The following SLC11A1 variants were observed in gnomAD, a reference collection of about 807,000 sequenced individuals.
The protein encoded by SLC11A1 is solute carrier family 11 member 1.
Under a neutral mutation model 63.2 loss-of-function variants are expected in SLC11A1, and 59 were observed. That is an observed-to-expected ratio of 0.93 (90% CI 0.76 to 1.16). SLC11A1 has a LOEUF of 1.16. Among genes scored for constraint, SLC11A1 ranks in the 50% most tolerant of loss-of-function variants. SLC11A1 has a pLI of 0.00. For synonymous variants in SLC11A1, 305 were observed against 307.8 expected, an observed-to-expected ratio of 0.99 and a Z score of 0.09; for missense variants, 688 against 730.7, an observed-to-expected ratio of 0.94 and a Z score of 0.67.
intron 6 of SLC11A1, 100 bp from the exon 7 acceptor site, chr2:218,387,465 G>A (rs1696164752): frequency 8.2e-7 from 1 of 1,217,892 alleles, no homozygotes; most frequent in South Asian, 1.3e-5. Context: ...TAAGCACTTG[G>A]CACTGTGCCT....
intron 11 of SLC11A1, 175 bp from the exon 12 acceptor site, chr2:218,392,806 C>A: frequency 2.0e-6 from 1 of 512,214 alleles, no homozygotes; most frequent in South Asian, 3.0e-5. Flanking sequence ...ATGGGAGCTC[C>A]CCATTTCTCC....
chr2:218,384,989 C>T lies in SLC11A1; in HGVS notation c.274-158C>T. The T allele has an allele frequency of 1.1e-6, 1 of 892,004 alleles. No homozygotes were observed. Among genetic ancestry groups the T allele is most frequent in the Non-Finnish European group, 1.7e-6 (1 of 592,784 alleles). 55.3% of individuals were successfully genotyped at this position (892,004 alleles called of 1,614,324 possible). A position where few individuals can be genotyped will look rare whatever the true frequency, so the allele number is the denominator to read the frequency against. ...CCTCCCACCTTAGCCTTTTAAAGTG[C>T]TGGGATTACAGGGTGAGCTACCAGC... On this transcript the variant is annotated intron_variant, in intron 3 of 14. Transcript: ENST00000233202. The surrounding 1 kb of genome is among the most constrained non-coding windows in gnomAD (Gnocchi z 4.0).
At position 218,395,054 on chromosome 2, in the gene SLC11A1, C is replaced by A; in HGVS notation, c.*19C>A. On this transcript the variant is annotated 3_prime_UTR_variant, in exon 15 of 15. Transcript: ENST00000233202. Reference sequence around the variant, plus strand: ...TGGCTAGGCCCACACCAGGGCCTGGCTGGGAGTGGCATGTATGACGTGACT... The same window carrying A: ...TGGCTAGGCCCACACCAGGGCCTGGATGGGAGTGGCATGTATGACGTGACT... 6.4e-7 allele frequency: 1 copy of A among 1,552,344 alleles called. No homozygotes were observed. Among genetic ancestry groups the A allele is most frequent in the Non-Finnish European group, 8.8e-7 (1 of 1,139,448 alleles).
rs182057473 is a variant in SLC11A1 at position 218,394,781 on chromosome 2, A to G, written c.1538A>G (p.Tyr513Cys). 78 of 1,612,218 alleles carry G rather than the reference A, an allele frequency of 4.8e-5. No individual in the cohort carries two copies. In the East Asian group the frequency reaches 1.7e-3, roughly 35 times the overall value. The change falls in exon 14 of 15, where the codon TAC (tyrosine) becomes TGC (cysteine). Residue 513 changes from tyrosine to cysteine, a missense_variant. Tyr to Cys is a radical substitution (Grantham distance 194, BLOSUM62 -2). Coordinates refer to ENST00000233202, the MANE Select transcript of SLC11A1 (RefSeq NM_000578.4). Reference protein sequence around the residue: ...LAAAYLGLSTYLVWTCCLAHG... With the variant: ...LAAAYLGLSTCLVWTCCLAHG... Reference sequence around the variant, plus strand: ...GCAGCCTACCTGGGCCTCAGCACCTACCTGGTACAGTAGGGCCAGGGGATG... The same window carrying G: ...GCAGCCTACCTGGGCCTCAGCACCTGCCTGGTACAGTAGGGCCAGGGGATG...
rs1365155529 is a variant in SLC11A1, at chr2:218,384,822, A to G, written c.274-325A>G. 1 of 324,032 alleles carries G rather than the reference A, an allele frequency of 3.1e-6. No homozygotes were observed. The highest frequency in any genetic ancestry group is 2.2e-5 in the African/African-American group (1 of 45,522). 20.1% of individuals were successfully genotyped at this position (324,032 alleles called of 1,614,324 possible). A position where few individuals can be genotyped will look rare whatever the true frequency, so the allele number is the denominator to read the frequency against. ...AGGCTGGTCTTGAACTCCTGACCTCAAGTGATCCACCGCCTCGGCCTCCCA... is the reference window on the plus strand; with the variant it reads ...AGGCTGGTCTTGAACTCCTGACCTCGAGTGATCCACCGCCTCGGCCTCCCA... On this transcript the variant is annotated intron_variant, in intron 3 of 14. Transcript: ENST00000233202. The surrounding 1 kb of genome is among the most constrained non-coding windows in gnomAD (Gnocchi z 4.0).
At chr2:218,391,705 A>G (rs1696464928) in intron 11 of SLC11A1, 1 of 520,754 alleles carries the variant, frequency 1.9e-6, no homozygotes, top group South Asian at 2.6e-5. Context: ...GCTCACTGCA[A>G]CCTCCCCCTC....
Position 218,384,968 on chromosome 2 carries a change from C to G in SLC11A1, c.274-179C>G. On this transcript the variant is annotated intron_variant, in intron 3 of 14. Coordinates refer to ENST00000233202, the MANE Select transcript of SLC11A1 (RefSeq NM_000578.4). This position sits in a 1 kb window ranked among gnomAD's most constrained non-coding sequence, Gnocchi z 4.0. ...GAACTCCTGGACTCAAGCAATCCTC[C>G]CACCTTAGCCTTTTAAAGTGCTGGG... 1.5e-6 allele frequency: 1 copy of G among 686,156 alleles called. No homozygotes were observed. The allele number at this position is 686,156 out of a possible 1,614,324, so 42.5% of individuals were successfully genotyped here.
chr2:218,393,601 T>C (rs184628372), intron 12 of SLC11A1, among the ~76,000 whole-genome samples: 15 of 151,318 alleles, frequency 9.9e-5, no homozygotes, highest in African/African-American at 2.7e-4. Flanking sequence ...CTCAGCCTCC[T>C]AAGTAGCTGA....
intron 11 of SLC11A1, 36 bp from the exon 12 acceptor site, chr2:218,392,945 G>A (rs762539848): frequency 1.9e-6 from 3 of 1,551,374 alleles, no homozygotes; most frequent in Non-Finnish European, 1.7e-6. Context: ...CCCCAGTCCT[G>A]TCTACTCCTC....
At chr2:218,389,801 G>A in intron 8 of SLC11A1, 69 bp from the exon 9 acceptor site, 1 of 1,506,052 alleles carries the variant, frequency 6.6e-7, no homozygotes, top group South Asian at 1.3e-5. Context: ...ACATAGAAGT[G>A]TGAGGGTGGG....
In SLC11A1 at chr2:218,394,803, G is replaced by C. The variant is rs376793866; in HGVS notation, c.1542+18G>C. On this transcript the variant is annotated intron_variant, in intron 14 of 14. Transcript: ENST00000233202. ...CCTACCTGGTACAGTAGGGCCAGGG[G>C]ATGCCTTGGGAATGGATGAGGGAAG... The C allele has an allele frequency of 6.2e-7, 1 of 1,610,604 alleles. No individual in the cohort carries two copies. The highest frequency in any genetic ancestry group is 1.3e-5 in the African/African-American group (1 of 74,946).
chr2:218,385,437 C>A, intron 4 of SLC11A1, 171 bp downstream of exon 4: 2 of 879,264 alleles, frequency 2.3e-6, no homozygotes, highest in Non-Finnish European at 3.6e-6. Context: ...GTCGCCCAGT[C>A]AGGAGTGCAA....
Position 218,384,880 on chromosome 2 carries a change from C to T in SLC11A1, c.274-267C>T. 2.6e-6 allele frequency: 1 copy of T among 390,372 alleles called. No individual in the cohort carries two copies. Among genetic ancestry groups the T allele is most frequent in the Non-Finnish European group, 4.8e-6 (1 of 206,696 alleles). 24.2% of individuals were successfully genotyped at this position (390,372 alleles called of 1,614,324 possible). A position where few individuals can be genotyped will look rare whatever the true frequency, so the allele number is the denominator to read the frequency against. ...GGGATAACAGGTGTGAGCCACCTTG[C>T]CTGGCGTAATTTATTTATTTATTTA... On this transcript the variant is annotated intron_variant, in intron 3 of 14. Transcript: ENST00000233202. The surrounding 1 kb of genome is among the most constrained non-coding windows in gnomAD (Gnocchi z 4.0).
chr2:218,386,909 A>G (rs1418724820), intron 5 of SLC11A1, 168 bp downstream of exon 5: 1 of 661,884 alleles, frequency 1.5e-6, no homozygotes, highest in Non-Finnish European at 2.7e-6. Context: ...AAAGTCACAC[A>G]GATGTGAGTC....
At chr2:218,393,916 C>A (rs1404836139) in intron 12 of SLC11A1, among the ~76,000 whole-genome samples, 2 of 152,076 alleles carry the variant, frequency 1.3e-5, no homozygotes, top group African/African-American at 4.8e-5. Context: ...ACCGAAGCAA[C>A]CTGGTGCCAG....
At chr2:218,390,553 C>G (rs2106335366) in intron 9 of SLC11A1, among the ~76,000 whole-genome samples, 1 of 152,276 alleles carries the variant, frequency 6.6e-6, no homozygotes, top group South Asian at 2.1e-4. Context: ...TGGGGGCTTC[C>G]TGAATGCTGA....
At position 218,384,236 on chromosome 2, in the gene SLC11A1, C is replaced by G. The variant is rs755683991; in HGVS notation, c.151-7C>G. Reference sequence around the variant, plus strand: ...CCCCTCACTCTACTCCTCCCACCCCCCAACAGGGCACCTTCAGCCTGCGGA... The same window carrying G: ...CCCCTCACTCTACTCCTCCCACCCCGCAACAGGGCACCTTCAGCCTGCGGA... On this transcript the variant is annotated splice_polypyrimidine_tract_variant and splice_region_variant and intron_variant, in intron 2 of 14. Coordinates refer to ENST00000233202, the MANE Select transcript of SLC11A1 (RefSeq NM_000578.4). This position sits in a 1 kb window ranked among gnomAD's most constrained non-coding sequence, Gnocchi z 4.0. 6.3e-7 allele frequency: 1 copy of G among 1,591,096 alleles called. No individual in the cohort carries two copies. Among genetic ancestry groups the G allele is most frequent in the African/African-American group, 1.3e-5 (1 of 74,392 alleles).
At chr2:218,386,242 C>A (rs570566043) in intron 4 of SLC11A1, among the ~76,000 whole-genome samples, 127 of 152,242 alleles carry the variant, frequency 8.3e-4, no homozygotes, top group African/African-American at 2.9e-3. Flanking sequence ...CACCTGAGGT[C>A]GGGAGTTCGA....
chr2:218,393,904 A>C (rs1243484933), intron 12 of SLC11A1, among the ~76,000 whole-genome samples: 2 of 152,070 alleles, frequency 1.3e-5, no homozygotes, highest in African/African-American at 2.4e-5. Flanking sequence ...GCTTGGATTC[A>C]AACCGAAGCA....
Sources: allele counts gnomAD v4.1 joint callset (sites outside exome capture counted in the v4.1 genomes callset), GRCh38; gene constraint gnomAD v4.1.1; non-coding constraint Gnocchi (gnomAD v3.1); transcripts MANE v1.5; gene names NCBI Gene and HGNC (gene_info 2026-07-23, HGNC 2026-07-21).